Variants in KYAT3 observed in about 807,000 individuals in gnomAD.
KYAT3 encodes the protein kynurenine--oxoglutarate transaminase 3.
Under a neutral mutation model 59.0 loss-of-function variants are expected in KYAT3, and 50 were observed. The observed-to-expected ratio is 0.85, with a 90% CI of 0.68 to 1.07. The LOEUF is 1.07. Among genes scored for constraint, KYAT3 ranks in the 50% least tolerant of loss-of-function variants. The pLI is 0.00. For missense variants in KYAT3, 497 were observed against 533.3 expected, an observed-to-expected ratio of 0.93 and a Z score of 0.67; for synonymous variants, 148 against 177.0, an observed-to-expected ratio of 0.84 and a Z score of 1.30.
the KYAT3 span, among the ~76,000 whole-genome samples, chr1:88,922,375 T>C: frequency 0.015 from 2,244 of 152,276 alleles, 55 homozygotes; most frequent in African/African-American, 0.051. Flanking sequence ...TGAAGGGTTT[T>C]AAATCACTTC....
chr1:88,955,015 C>G, intron 9 of KYAT3, 134 bp downstream of exon 9: 1 of 602,184 alleles, frequency 1.7e-6, no homozygotes, highest in Non-Finnish European at 2.9e-6. Flanking sequence ...ATCCTCCTGC[C>G]TTAGCCTCCC....
downstream of KYAT3, among the ~76,000 whole-genome samples, chr1:88,931,113 A>C (rs1307251607): frequency 6.6e-6 from 1 of 152,198 alleles, no homozygotes; most frequent in Non-Finnish European, 1.5e-5. Context: ...AATGGAAATT[A>C]CTTAAAACCC....
intron 2 of KYAT3, among the ~76,000 whole-genome samples, chr1:88,977,200 A>C (rs1676825446): frequency 6.6e-6 from 1 of 151,700 alleles, no homozygotes; most frequent in Non-Finnish European, 1.5e-5. Context: ...TTTAAAAAAA[A>C]ATTGATTTTT....
intron 13 of KYAT3, among the ~76,000 whole-genome samples, chr1:88,938,563 G>A (rs113866229): frequency 4.6e-5 from 7 of 152,196 alleles, no homozygotes; most frequent in African/African-American, 1.7e-4. Context: ...AGGCCCCAGT[G>A]TCTGTTGTTC....
intron 2 of KYAT3, among the ~76,000 whole-genome samples, chr1:88,978,245 GTTCTTTCCTAGCTTTTTTGCTTT>G (rs920959612): frequency 6.6e-6 from 1 of 152,070 alleles, no homozygotes; most frequent in Non-Finnish European, 1.5e-5. Context: ...AAACTGTTAT[GTTCTTTCCTAGCTTTTTTGCTTT>G]TTCTTTCCTG....
At chr1:88,978,520 CAG>C (rs1485561284) in intron 2 of KYAT3, among the ~76,000 whole-genome samples, 2 of 152,060 alleles carry the variant, frequency 1.3e-5, no homozygotes, top group South Asian at 2.1e-4. Flanking sequence ...TTTTTTGAGA[CAG>C]AGTCTTGCTC....
intron 2 of KYAT3, chr1:88,982,497 CAAG>C (rs778619278): frequency 1.9e-5 from 24 of 1,242,758 alleles, no homozygotes; most frequent in Non-Finnish European, 2.3e-5. Context: ...TTTTTCCTCA[CAAG>C]AACATAAAAA....
chr1:88,933,396 G>T, downstream of KYAT3, among the ~76,000 whole-genome samples: 1 of 151,824 alleles, frequency 6.6e-6, no homozygotes, highest in Non-Finnish European at 1.5e-5. Context: ...AAGAGAGGAG[G>T]GAGGGAAAAA....
At chr1:88,947,517 C>T (rs770068304) in intron 11 of KYAT3, among the ~76,000 whole-genome samples, 9 of 152,220 alleles carry the variant, frequency 5.9e-5, no homozygotes, top group African/African-American at 9.6e-5. Flanking sequence ...ACAAGGATGT[C>T]TGCCAGTATA....
intron 12 of KYAT3, 56 bp from the exon 13 acceptor site, chr1:88,943,147 T>C (rs776403880): frequency 9.6e-6 from 13 of 1,359,692 alleles, no homozygotes; most frequent in Non-Finnish European, 1.3e-5. Flanking sequence ...CAAATATTAA[T>C]TTTGGTACTA....
chr1:88,929,329 G>A, the KYAT3 span, among the ~76,000 whole-genome samples: 1 of 152,160 alleles, frequency 6.6e-6, no homozygotes, highest in Admixed American at 6.5e-5. Flanking sequence ...ATACCCAGCT[G>A]TACCTAACCC....
At chr1:88,960,852 C>T (rs1423721754) in intron 8 of KYAT3, among the ~76,000 whole-genome samples, 2 of 152,206 alleles carry the variant, frequency 1.3e-5, no homozygotes, top group Non-Finnish European at 2.9e-5. Flanking sequence ...TTTTCAGGCA[C>T]AAGAAAGCTC....
At chr1:88,963,754 G>C (rs1676235983) in intron 5 of KYAT3, among the ~76,000 whole-genome samples, 1 of 152,170 alleles carries the variant, frequency 6.6e-6, no homozygotes, top group African/African-American at 2.4e-5. Flanking sequence ...TGGATCCTCA[G>C]TATTTTCTGA....
chr1:88,924,717 G>A, the KYAT3 span, among the ~76,000 whole-genome samples: 2 of 152,214 alleles, frequency 1.3e-5, no homozygotes, highest in Non-Finnish European at 2.9e-5. Context: ...CCGGTAAGGT[G>A]TCTGCTGTGC....
chr1:88,991,148 A>C (rs1457890795), intron 1 of KYAT3, among the ~76,000 whole-genome samples: 9 of 152,264 alleles, frequency 5.9e-5, no homozygotes, highest in Non-Finnish European at 1.0e-4. Flanking sequence ...ATGAAGATTC[A>C]GAAAGTATGC....
At chr1:88,971,572 G>T (rs1409978766) in intron 2 of KYAT3, among the ~76,000 whole-genome samples, 2 of 152,076 alleles carry the variant, frequency 1.3e-5, no homozygotes, top group Admixed American at 6.5e-5. Flanking sequence ...TTGTCACATA[G>T]GATTGAGCTT....
chr1:88,971,806 C>T (rs1676567533), intron 2 of KYAT3, among the ~76,000 whole-genome samples: 1 of 152,162 alleles, frequency 6.6e-6, no homozygotes, highest in Non-Finnish European at 1.5e-5. Context: ...TTCTTTGGTT[C>T]TACGAGTCAG....
chr1:88,953,260 G>A (rs1675755665), intron 9 of KYAT3, 108 bp from the exon 10 acceptor site: 2 of 730,028 alleles, frequency 2.7e-6, no homozygotes, highest in African/African-American at 1.8e-5. Context: ...ATCCTAAAAT[G>A]TTGGCTGGGT....
chr1:88,956,431 T>C (rs1180511437), intron 8 of KYAT3, among the ~76,000 whole-genome samples: 1 of 152,220 alleles, frequency 6.6e-6, no homozygotes, highest in East Asian at 1.9e-4. Flanking sequence ...CATTGATTCA[T>C]TCATACATCA....
Sources: allele counts gnomAD v4.1 joint callset (sites outside exome capture counted in the v4.1 genomes callset), GRCh38; gene constraint gnomAD v4.1.1; transcripts MANE v1.5; gene names NCBI Gene and HGNC (gene_info 2026-07-23, HGNC 2026-07-21).